Variants in MBOAT1 observed in about 807,000 individuals in gnomAD.
MBOAT1 encodes the protein membrane-bound glycerophospholipid O-acyltransferase 1.
MBOAT1 carries 67 observed loss-of-function variants against 64.4 expected under a neutral mutation model. The observed-to-expected ratio is 1.04, with a 90% CI of 0.85 to 1.27. The LOEUF is 1.27. MBOAT1 is among the 50% of genes most tolerant of loss of function. MBOAT1 has a pLI of 0.00. For synonymous variants in MBOAT1, 229 were observed against 218.9 expected (o/e 1.05, Z -0.41); for missense variants, 563 against 604.6 (o/e 0.93, Z 0.72).
chr6:20,199,779 C>T (rs6906323), intron 1 of MBOAT1, among the ~76,000 whole-genome samples: 2,580 of 152,164 alleles, frequency 0.017, 74 homozygotes, highest in African/African-American at 0.058. Context: ...ACCAGCCTGG[C>T]CAACATGGTG....
At chr6:20,149,733 A>G (rs1233188960) in intron 3 of MBOAT1, among the ~76,000 whole-genome samples, 1 of 152,150 alleles carries the variant, frequency 6.6e-6, no homozygotes, top group Non-Finnish European at 1.5e-5. Context: ...GTAAAAGCAG[A>G]AAAAAATATT....
At chr6:20,151,864 T>C (rs2457322) in intron 2 of MBOAT1, among the ~76,000 whole-genome samples, 85,365 of 152,096 alleles carry the variant, frequency 0.56, 24,058 homozygotes, top group Admixed American at 0.58. Context: ...ACTAAACGCA[T>C]TGTTCTACTC....
intron 3 of MBOAT1, among the ~76,000 whole-genome samples, chr6:20,147,889 TA>T: frequency 6.6e-6 from 1 of 152,194 alleles, no homozygotes; most frequent in East Asian, 1.9e-4. Context: ...TAAAGTATAT[TA>T]AAAAGAGCTT....
intron 1 of MBOAT1, among the ~76,000 whole-genome samples, chr6:20,175,663 A>G (rs1227181850): frequency 6.7e-6 from 1 of 148,830 alleles, no homozygotes; most frequent in Non-Finnish European, 1.5e-5. Flanking sequence ...GTAGAGACGC[A>G]ATTTCACTGT....
chr6:20,128,859 C>T, intron 5 of MBOAT1, 106 bp from the exon 6 acceptor site: 1 of 762,050 alleles, frequency 1.3e-6, no homozygotes, highest in East Asian at 2.8e-5. Flanking sequence ...TCTTTGTTTG[C>T]TTCATAAATC....
At chr6:20,128,775 A>G in intron 5 of MBOAT1, 22 bp from the exon 6 acceptor site, 1 of 1,567,946 alleles carries the variant, frequency 6.4e-7, no homozygotes, top group Middle Eastern at 1.7e-4. Context: ...AAAAGAATTT[A>G]GAAATAAGAT....
At chr6:20,168,065 C>T (rs186125662) in intron 1 of MBOAT1, among the ~76,000 whole-genome samples, 130 of 152,220 alleles carry the variant, frequency 8.5e-4, no homozygotes, top group African/African-American at 2.9e-3. Flanking sequence ...AGTCAAAGAA[C>T]GGGTGTGTCC....
chr6:20,165,739 T>C (rs1401202660), intron 1 of MBOAT1, among the ~76,000 whole-genome samples: 2 of 80,076 alleles, frequency 2.5e-5, no homozygotes, highest in South Asian at 5.2e-4. Context: ...CAAGACTCTG[T>C]TTCAAAAAAA....
At chr6:20,140,183 C>A (rs1403270690) in intron 4 of MBOAT1, among the ~76,000 whole-genome samples, 1 of 152,192 alleles carries the variant, frequency 6.6e-6, no homozygotes, top group African/African-American at 2.4e-5. Flanking sequence ...CTTCCCCCAA[C>A]CCCCAATCCT....
intron 3 of MBOAT1, among the ~76,000 whole-genome samples, chr6:20,144,937 G>A (rs1024780713): frequency 6.6e-6 from 1 of 152,080 alleles, no homozygotes; most frequent in Non-Finnish European, 1.5e-5. Flanking sequence ...ACTTACTCAT[G>A]AGCATTCCCT....
chr6:20,147,293 T>A (rs1188026000), intron 3 of MBOAT1, among the ~76,000 whole-genome samples: 1 of 152,134 alleles, frequency 6.6e-6, no homozygotes, highest in Non-Finnish European at 1.5e-5. Context: ...AAGTAATCCA[T>A]GGTGGGAGAA....
At chr6:20,153,516 G>GT (rs1393230522) in intron 1 of MBOAT1, among the ~76,000 whole-genome samples, 4 of 152,224 alleles carry the variant, frequency 2.6e-5, no homozygotes, top group Non-Finnish European at 4.4e-5. Context: ...ATCACCAGTT[G>GT]TTTTTTGACT....
chr6:20,173,363 A>G (rs1441259497), intron 1 of MBOAT1, among the ~76,000 whole-genome samples: 1 of 151,286 alleles, frequency 6.6e-6, no homozygotes, highest in Non-Finnish European at 1.5e-5. Context: ...GCATCCATGA[A>G]AGAAAAAAAA....
At chr6:20,206,157 T>G (rs1763259160) in intron 1 of MBOAT1, among the ~76,000 whole-genome samples, 3 of 152,100 alleles carry the variant, frequency 2.0e-5, no homozygotes, top group Admixed American at 1.3e-4. Context: ...GACCTCCCAC[T>G]GCTGCTTTGC....
At chr6:20,204,860 C>T (rs766296565) in intron 1 of MBOAT1, among the ~76,000 whole-genome samples, 3 of 152,178 alleles carry the variant, frequency 2.0e-5, no homozygotes, top group African/African-American at 7.2e-5. Flanking sequence ...TTCCCAGCTA[C>T]AAGCAAGTAA....
intron 4 of MBOAT1, among the ~76,000 whole-genome samples, chr6:20,137,274 A>G (rs1207443048): frequency 1.3e-5 from 2 of 152,208 alleles, no homozygotes; most frequent in African/African-American, 4.8e-5. Flanking sequence ...TCAACCTGCA[A>G]TCGTGATGGG....
At chr6:20,191,200 C>T (rs1326562309) in intron 1 of MBOAT1, among the ~76,000 whole-genome samples, 1 of 152,120 alleles carries the variant, frequency 6.6e-6, no homozygotes. Context: ...AAGTCTGGCC[C>T]CTGGTGCCTC....
At chr6:20,203,316 A>G (rs2113773242) in intron 1 of MBOAT1, among the ~76,000 whole-genome samples, 1 of 152,342 alleles carries the variant, frequency 6.6e-6, no homozygotes, top group Admixed American at 6.5e-5. Flanking sequence ...AGATACTAAT[A>G]GCTGCATTTA....
intron 5 of MBOAT1, among the ~76,000 whole-genome samples, chr6:20,129,755 C>T (rs752418352): frequency 4.6e-5 from 7 of 152,164 alleles, no homozygotes; most frequent in Non-Finnish European, 8.8e-5. Context: ...AGAAATTAAA[C>T]TGATTTTGGC....
Sources: gnomAD v4.1 joint callset for allele counts (sites outside exome capture counted in the v4.1 genomes callset) on GRCh38, gnomAD v4.1.1 for gene constraint, MANE v1.5 for transcripts, NCBI Gene and HGNC (gene_info 2026-07-23, HGNC 2026-07-21) for gene names.